The following DLGAP3 variants were observed in gnomAD, a reference collection of about 807,000 sequenced individuals.
The protein encoded by DLGAP3 is DLG associated protein 3, also known as disks large-associated protein 3.
DLGAP3 carries 17 observed loss-of-function variants against 81.2 expected under a neutral mutation model. The observed-to-expected ratio is 0.21, with a 90% CI of 0.14 to 0.31. DLGAP3 has a LOEUF of 0.31. Ranked by LOEUF, DLGAP3 falls within the 10% of genes least tolerant of loss-of-function variation. DLGAP3 has a pLI of 1.00. For synonymous variants in DLGAP3, 577 were observed against 587.4 expected (o/e 0.98, Z 0.26); for missense variants, 1,124 against 1,388.0 (o/e 0.81, Z 3.02).
intron 1 of DLGAP3, among the ~76,000 whole-genome samples, chr1:34,915,820 T>C (rs980323924): frequency 6.6e-6 from 1 of 151,670 alleles, no homozygotes; most frequent in African/African-American, 2.4e-5. Flanking sequence ...TGAGAGCACA[T>C]AGAAAAGGCA....
intron 1 of DLGAP3, among the ~76,000 whole-genome samples, chr1:34,914,508 T>C (rs1437197121): frequency 1.3e-5 from 2 of 152,206 alleles, no homozygotes; most frequent in African/African-American, 4.8e-5. Flanking sequence ...TGAGCAACTG[T>C]GGCTTCTGGG....
At chr1:34,913,269 C>T (rs115378893) in intron 1 of DLGAP3, among the ~76,000 whole-genome samples, 1 of 152,170 alleles carries the variant, frequency 6.6e-6, no homozygotes, top group Non-Finnish European at 1.5e-5. Flanking sequence ...CTCCAAAACA[C>T]TCGAGCCATT....
Position 34,885,613 on chromosome 1 carries a change from G to C in DLGAP3, c.1779C>G (p.Arg593=). ...DGLDGPAMGA[R]TLELAPVPPR... is the part of the protein sequence containing the mutation. The stretch of plus-strand genomic sequence containing the variant: ...GCGGCACCGGCGCCAACTCCAGTGT[G>C]CGCGCACCCATGGCGGGGCCGTCCA... The change falls in exon 7 of 12, where the codon CGC becomes CGG. Residue 593 remains arginine (R), a synonymous_variant. Transcript: ENST00000373347. 1 of 1,574,430 alleles carries C rather than the reference G, an allele frequency of 6.4e-7. No individual in the cohort carries two copies. The highest frequency in any genetic ancestry group is 8.6e-7 in the Non-Finnish European group (1 of 1,165,436).
chr1:34,884,680 C>T (rs1639191682), intron 8 of DLGAP3, among the ~76,000 whole-genome samples: 3 of 152,188 alleles, frequency 2.0e-5, no homozygotes, highest in African/African-American at 7.2e-5. Flanking sequence ...TGGAGGCCTG[C>T]TCGGCACCTA....
intron 8 of DLGAP3, among the ~76,000 whole-genome samples, chr1:34,874,202 GAA>G (rs1297959627): frequency 6.6e-6 from 1 of 152,152 alleles, no homozygotes; most frequent in Admixed American, 6.5e-5. Flanking sequence ...GGGGGATGAG[GAA>G]AAGATAGAAG....
rs1302646997 is a variant in DLGAP3, at chr1:34,866,184, G to A, written c.2839C>T (p.Leu947Phe). 6.3e-7 allele frequency: 1 copy of A among 1,592,886 alleles called. No homozygotes were observed. The highest frequency in any genetic ancestry group is 1.3e-5 in the African/African-American group (1 of 74,844). Residue 947 changes from leucine to phenylalanine, a missense_variant, in exon 12 of 12, where the codon CTC (leucine) becomes TTC (phenylalanine). By Grantham distance (22) the Leu-to-Phe change is conservative (BLOSUM62 0). Coordinates refer to ENST00000373347, the MANE Select transcript of DLGAP3 (RefSeq NM_001080418.3). Reference protein sequence around the residue: ...DRQRQEARKRLLAAKRAASFR... With the variant: ...DRQRQEARKRFLAAKRAASFR... ...GAAGCGGCGCGCTTGGCCGCCAGGA[G>A]CCGCTTGCGCGCTTCCTGCCGCTGC...
intron 11 of DLGAP3, 77 bp from the exon 12 acceptor site, chr1:34,866,378 GC>G: frequency 8.0e-7 from 1 of 1,257,694 alleles, no homozygotes; most frequent in Non-Finnish European, 1.1e-6. Context: ...GCACCCCCGC[GC>G]CCAGAGTGCT....
chr1:34,917,001 G>C (rs985809361), intron 1 of DLGAP3, among the ~76,000 whole-genome samples: 5 of 151,154 alleles, frequency 3.3e-5, no homozygotes, highest in African/African-American at 9.7e-5. Context: ...CCTGGCCTCA[G>C]AGCACCTTTA....
Position 34,867,341 on chromosome 1 carries a change from C to A in DLGAP3, c.2578-150G>T. ...GGGAGACAGGGGGACAAGAGCGAGC[C>A]CAGGACTCCCCTTCTTGTGCACAAA... On this transcript the variant is annotated intron_variant, in intron 10 of 11. Coordinates refer to ENST00000373347, the MANE Select transcript of DLGAP3 (RefSeq NM_001080418.3). This position sits in a 1 kb window ranked among gnomAD's most constrained non-coding sequence, Gnocchi z 4.3. 8 of 1,221,480 alleles carry A rather than the reference C, an allele frequency of 6.5e-6. No individual in the cohort carries two copies. The highest frequency in any genetic ancestry group is 9.6e-6 in the Non-Finnish European group (8 of 834,222). 75.7% of individuals were successfully genotyped at this position (1,221,480 alleles called of 1,614,324 possible). A position where few individuals can be genotyped will look rare whatever the true frequency, so the allele number is the denominator to read the frequency against.
At chr1:34,886,542 C>T (rs1165006051) in intron 5 of DLGAP3, among the ~76,000 whole-genome samples, 2 of 150,424 alleles carry the variant, frequency 1.3e-5, no homozygotes, top group South Asian at 2.1e-4. Flanking sequence ...TCCACCCCAC[C>T]TATGCCTCTT....
intron 8 of DLGAP3, among the ~76,000 whole-genome samples, chr1:34,874,469 C>A (rs551131489): frequency 5.9e-5 from 9 of 152,340 alleles, no homozygotes; most frequent in South Asian, 2.1e-4. Flanking sequence ...GCTGTCAGCA[C>A]AGGATAAAAA....
intron 5 of DLGAP3, among the ~76,000 whole-genome samples, chr1:34,891,129 T>A (rs1639306376): frequency 6.6e-6 from 1 of 152,142 alleles, no homozygotes; most frequent in Admixed American, 6.5e-5. Context: ...TGCAAATCAA[T>A]CAAAGACATA....
At chr1:34,870,259 T>C (rs1569593940) in intron 8 of DLGAP3, among the ~76,000 whole-genome samples, 1 of 152,042 alleles carries the variant, frequency 6.6e-6, no homozygotes, top group Non-Finnish European at 1.5e-5. Flanking sequence ...TTAAGATGCA[T>C]GAGGTTGGGA....
Position 34,891,031 on chromosome 1 carries a change from G to T in DLGAP3, c.1387-4746C>A, listed in dbSNP as rs142383916. ...AATAACTTTTAAATGATGTTTAAAA[G>T]TTCCAAGCTTAAAAGATAAAACTGA... On this transcript the variant is annotated intron_variant, in intron 5 of 11. Coordinates refer to ENST00000373347, the MANE Select transcript of DLGAP3 (RefSeq NM_001080418.3). Among the ~76,000 whole-genome samples the T allele has an allele frequency of 9.7e-3, 1,469 of 152,190 alleles. 29 individuals are homozygous for T. The highest frequency in any genetic ancestry group is 0.034 in the African/African-American group (1,393 of 41,538).
intron 11 of DLGAP3, among the ~76,000 whole-genome samples, 164 bp downstream of exon 11, chr1:34,866,884 C>T (rs1380415341): frequency 1.3e-5 from 2 of 152,242 alleles, no homozygotes; most frequent in African/African-American, 4.8e-5. Flanking sequence ...TGGCCACGAG[C>T]GTGGTCACTC....
At position 34,904,492 on chromosome 1, in the gene DLGAP3, C is replaced by T. The variant is rs759933700; in HGVS notation, c.892G>A (p.Asp298Asn). 9 of 1,614,210 alleles carry T rather than the reference C, an allele frequency of 5.6e-6. No individual in the cohort carries two copies. The highest frequency in any genetic ancestry group is 7.6e-6 in the Non-Finnish European group (9 of 1,180,028). Residue 298 changes from aspartate to asparagine, a missense_variant, in exon 3 of 12, where the codon GAC (aspartate) becomes AAC (asparagine). Physicochemically the swap from Asp to Asn is conservative, Grantham distance 23. Transcript: ENST00000373347. This position sits in a 1 kb window ranked among gnomAD's most constrained non-coding sequence, Gnocchi z 8.1. ...CCCGAGCGCCCCTTGAAGCTCAAGT[C>T]CCGGTAGGACCCATCTGGACCCTCC... is the stretch of plus-strand genomic sequence containing the variant. ...CLEGPDGSYRDLSFKGRSGGS... is the reference protein window; with the variant it reads ...CLEGPDGSYRNLSFKGRSGGS...
At chr1:34,920,016 G>A (rs1639773598) in intron 1 of DLGAP3, among the ~76,000 whole-genome samples, 1 of 152,130 alleles carries the variant, frequency 6.6e-6, no homozygotes, top group African/African-American at 2.4e-5. Flanking sequence ...GAAGAGGTTG[G>A]GGCCAGGCAT....
chr1:34,911,022 A>AACCCC (rs1639630935), intron 1 of DLGAP3, among the ~76,000 whole-genome samples: 1 of 131,952 alleles, frequency 7.6e-6, no homozygotes, highest in African/African-American at 3.0e-5. Flanking sequence ...GATATTATCC[A>AACCCC]CCCCCCCCCC....
rs780445196 is a variant in DLGAP3 at position 34,904,646 on chromosome 1, G to A, written c.738C>T (p.Asp246=). 1 of 1,614,188 alleles carries A rather than the reference G, an allele frequency of 6.2e-7. No individual in the cohort carries two copies. The highest frequency in any genetic ancestry group is 1.1e-5 in the South Asian group (1 of 91,086). The change falls in exon 3 of 12, where the codon GAC becomes GAT. Residue 246 remains aspartate (D), a synonymous_variant. Transcript: ENST00000373347. The surrounding 1 kb of genome is among the most constrained non-coding windows in gnomAD (Gnocchi z 8.1). ...CCTGGTGCCGCCCATCCCCCTTGCG[G>A]TCCTTGCTCTTGCTCCTCTTGCCGT... The part of the protein sequence containing the change: ...SRHGKRSKSK[D]RKGDGRHQAK...
Sources: gnomAD v4.1 joint callset for allele counts (sites outside exome capture counted in the v4.1 genomes callset) on GRCh38, gnomAD v4.1.1 for gene constraint, Gnocchi (gnomAD v3.1) non-coding constraint, MANE v1.5 for transcripts, NCBI Gene and HGNC (gene_info 2026-07-23, HGNC 2026-07-21) for gene names.